The following MCHR2 variants were observed in gnomAD, a reference collection of about 807,000 sequenced individuals.
The protein encoded by MCHR2 is melanin-concentrating hormone receptor 2.
MCHR2 carries 15 observed loss-of-function variants against 24.8 expected under a neutral mutation model. That is an observed-to-expected ratio of 0.60 (90% CI 0.40 to 0.93). The LOEUF (loss-of-function observed/expected upper bound fraction) is 0.93, where lower values mean the gene tolerates loss of function less well. MCHR2 is among the 40% of genes least tolerant of loss of function. The pLI, the probability that MCHR2 is intolerant of heterozygous loss-of-function variation, is 0.00. For missense variants in MCHR2, 386 were observed against 408.7 expected, an observed-to-expected ratio of 0.94 and a Z score of 0.48; for synonymous variants, 151 against 147.6, an observed-to-expected ratio of 1.02 and a Z score of -0.17.
Position 99,929,878 on chromosome 6 carries a change from A to G in MCHR2, c.707+4520T>C, listed in dbSNP as rs1239743015. 2.0e-5 allele frequency among the ~76,000 whole-genome samples: 3 copies of G among 150,014 alleles called. No individual in the cohort carries two copies. In the East Asian group the frequency reaches 5.8e-4, roughly 29 times the overall value. On this transcript the variant is annotated intron_variant, in intron 5 of 5. Transcript: ENST00000281806. ...TGTTATGTGTGAATTTGATCCTGTC[A>G]TTATGATGTTAGCTGGTTATTTTGC...
intron 5 of MCHR2, 66 bp from the exon 6 acceptor site, chr6:99,921,321 C>T: frequency 6.8e-7 from 1 of 1,467,944 alleles, no homozygotes; most frequent in South Asian, 1.2e-5. Context: ...CAATGTGTTC[C>T]TAGAACCTTT....
intron 4 of MCHR2, among the ~76,000 whole-genome samples, chr6:99,940,987 T>C (rs1015963135): frequency 1.3e-5 from 2 of 152,192 alleles, no homozygotes; most frequent in African/African-American, 2.4e-5. Flanking sequence ...CTCCCTACTT[T>C]GTCTCTGCCT....
intron 1 of MCHR2, among the ~76,000 whole-genome samples, chr6:99,961,190 G>GA (rs955366745): frequency 4.8e-5 from 7 of 147,352 alleles, no homozygotes; most frequent in South Asian, 2.1e-4. Flanking sequence ...CTCAAAAGAA[G>GA]AAAAAAAAAG....
intron 1 of MCHR2, among the ~76,000 whole-genome samples, chr6:99,979,951 A>T (rs981723996): frequency 6.6e-6 from 1 of 152,218 alleles, no homozygotes; most frequent in African/African-American, 2.4e-5. Context: ...ATGGCTTGGC[A>T]CTTTGCTCAA....
intron 4 of MCHR2, among the ~76,000 whole-genome samples, chr6:99,939,220 G>T (rs1181634267): frequency 6.6e-6 from 1 of 151,942 alleles, no homozygotes; most frequent in Non-Finnish European, 1.5e-5. Context: ...CTGCCATCTT[G>T]TTGCTTATTT....
chr6:99,946,777 AGGGTT>A (rs2114527337), intron 3 of MCHR2, among the ~76,000 whole-genome samples: 1 of 152,284 alleles, frequency 6.6e-6, no homozygotes, highest in African/African-American at 2.4e-5. Flanking sequence ...GTGTTGGGCT[AGGGTT>A]GGGTTGGGAA....
intron 5 of MCHR2, among the ~76,000 whole-genome samples, chr6:99,926,976 C>A (rs914814611): frequency 1.3e-5 from 2 of 152,020 alleles, no homozygotes; most frequent in Non-Finnish European, 2.9e-5. Context: ...TTAGGTCTAA[C>A]GTTAAGTCTT....
At chr6:99,951,865 C>T (rs567105404) in intron 2 of MCHR2, among the ~76,000 whole-genome samples, 6 of 152,150 alleles carry the variant, frequency 3.9e-5, no homozygotes, top group East Asian at 1.9e-4. Flanking sequence ...CTCTGTTTCA[C>T]GAATTCATGA....
chr6:99,922,609 A>G (rs1258536963), intron 5 of MCHR2, among the ~76,000 whole-genome samples: 1 of 152,182 alleles, frequency 6.6e-6, no homozygotes, highest in Non-Finnish European at 1.5e-5. Flanking sequence ...CTGCATATGG[A>G]CATCCAATTT....
At chr6:99,983,007 C>T (rs556714702) in intron 1 of MCHR2, among the ~76,000 whole-genome samples, 1 of 152,240 alleles carries the variant, frequency 6.6e-6, no homozygotes, top group African/African-American at 2.4e-5. Context: ...GCTGCTCTGG[C>T]TGGAGTGCAG....
chr6:99,945,473 T>C (rs1451241391), intron 3 of MCHR2, among the ~76,000 whole-genome samples: 1 of 152,174 alleles, frequency 6.6e-6, no homozygotes, highest in African/African-American at 2.4e-5. Context: ...TACTAAATAT[T>C]CTACACACTT....
chr6:99,974,018 G>A (rs1775494919), intron 1 of MCHR2, among the ~76,000 whole-genome samples: 1 of 152,152 alleles, frequency 6.6e-6, no homozygotes, highest in African/African-American at 2.4e-5. Context: ...CAACTTTGGT[G>A]AATCTGACAA....
At chr6:99,955,911 A>T in intron 2 of MCHR2, 55 bp downstream of exon 2, 2 of 1,374,574 alleles carry the variant, frequency 1.5e-6, no homozygotes, top group Non-Finnish European at 1.9e-6. Context: ...GGGAGCTTTG[A>T]CTGTAGTTTC....
At chr6:99,938,510 T>G (rs1774710289) in intron 4 of MCHR2, among the ~76,000 whole-genome samples, 1 of 152,088 alleles carries the variant, frequency 6.6e-6, no homozygotes, top group African/African-American at 2.4e-5. Context: ...GTTTCCAAGG[T>G]TGCTCTTGTT....
chr6:99,955,662 T>C (rs529107331), intron 2 of MCHR2, among the ~76,000 whole-genome samples: 1 of 152,212 alleles, frequency 6.6e-6, no homozygotes, highest in African/African-American at 2.4e-5. Flanking sequence ...CAGGAGTTTT[T>C]AAAGCTCCCC....
chr6:99,963,507 A>G (rs1775237492), intron 1 of MCHR2, among the ~76,000 whole-genome samples: 1 of 152,092 alleles, frequency 6.6e-6, no homozygotes, highest in Non-Finnish European at 1.5e-5. Flanking sequence ...GGGCTGGAGG[A>G]TGAGGAAACG....
chr6:99,935,672 T>A (rs1774643133), intron 4 of MCHR2, among the ~76,000 whole-genome samples: 1 of 152,052 alleles, frequency 6.6e-6, no homozygotes, highest in African/African-American at 2.4e-5. Flanking sequence ...ATAAACATGG[T>A]AGTACAGATA....
chr6:99,963,012 A>C (rs182956411), intron 1 of MCHR2, among the ~76,000 whole-genome samples: 3 of 152,094 alleles, frequency 2.0e-5, no homozygotes, highest in African/African-American at 7.2e-5. Context: ...CAATGTCACT[A>C]ATCAGGGAAA....
rs1005682723 is a variant in MCHR2 at position 99,952,484 on chromosome 6, T to C, written c.182+3482A>G. Among the ~76,000 whole-genome samples the C allele has an allele frequency of 8.5e-5, 13 of 152,276 alleles. 1 individual carries two copies. The East Asian group carries it at 2.3e-3, about 27-fold the overall frequency. On this transcript the variant is annotated intron_variant, in intron 2 of 5. Coordinates refer to ENST00000281806, the MANE Select transcript of MCHR2 (RefSeq NM_001040179.2). ...TAGTTCTATTGATGAACAATGGTTT[T>C]GATACAATTACTACTGTAAAAGGAA...
Sources: gnomAD v4.1 joint callset for allele counts (sites outside exome capture counted in the v4.1 genomes callset) on GRCh38, gnomAD v4.1.1 for gene constraint, MANE v1.5 for transcripts, NCBI Gene and HGNC (gene_info 2026-07-23, HGNC 2026-07-21) for gene names.